Variants in LCK observed in about 807,000 individuals in gnomAD.
LCK encodes the protein tyrosine-protein kinase Lck.
Under a neutral mutation model 64.6 loss-of-function variants are expected in LCK, and 14 were observed. The observed-to-expected ratio is 0.22, with a 90% CI of 0.14 to 0.34. The LOEUF is 0.34. Among genes scored for constraint, LCK ranks in the 10% least tolerant of loss-of-function variants. The pLI is 1.00. For missense variants in LCK, 434 were observed against 668.1 expected (o/e 0.65, Z 3.86); for synonymous variants, 277 against 263.6 (o/e 1.05, Z -0.49).
chr1:32,263,434 TAA>T (rs1013309716), intron 1 of LCK, among the ~76,000 whole-genome samples: 2 of 121,346 alleles, frequency 1.6e-5, no homozygotes, highest in African/African-American at 7.5e-5. Flanking sequence ...AATAAATAAA[TAA>T]ATAAATAAAT....
chr1:32,275,223 G>C lies in LCK; in HGVS notation c.279-98G>C. 1 of 1,486,488 alleles carries C rather than the reference G, an allele frequency of 6.7e-7. No homozygotes were observed. Among genetic ancestry groups the C allele is most frequent in the Non-Finnish European group, 9.4e-7 (1 of 1,067,662 alleles). The allele number at this position is 1,486,488 out of a possible 1,614,324, so 92.1% of individuals were successfully genotyped here. On this transcript the variant is annotated intron_variant, in intron 4 of 12. Transcript: ENST00000336890. This position sits in a 1 kb window ranked among gnomAD's most constrained non-coding sequence, Gnocchi z 6.9. The stretch of plus-strand genomic sequence containing the variant: ...TTCGAGGCTCAGTATTGCTGAGCCA[G>C]GGTTGGGGGAGGCTGGCTTAAGGGG...
At chr1:32,261,535 A>G (rs1639769926) in intron 1 of LCK, among the ~76,000 whole-genome samples, 1 of 150,250 alleles carries the variant, frequency 6.7e-6, no homozygotes. Context: ...AATCCCAGCT[A>G]CTTGGGAGGC....
intron 1 of LCK, among the ~76,000 whole-genome samples, chr1:32,264,334 A>G (rs1461769162): frequency 6.6e-6 from 1 of 151,946 alleles, no homozygotes; most frequent in African/African-American, 2.4e-5. Context: ...TAGACTTTCC[A>G]GGGAGTGAAA....
chr1:32,268,840 G>GAAAAC (rs1377209375), intron 1 of LCK, among the ~76,000 whole-genome samples: 5 of 148,280 alleles, frequency 3.4e-5, no homozygotes, highest in Admixed American at 6.7e-5. Flanking sequence ...GAAAAGAAAA[G>GAAAAC]AAACAGGAGT....
rs908663197 is a variant in LCK at position 32,284,268 on chromosome 1, A to C, written c.1328-1246A>C. 3.4e-5 allele frequency among the ~76,000 whole-genome samples: 5 copies of C among 148,866 alleles called. No individual in the cohort carries two copies. In the Admixed American group the frequency reaches 3.4e-4, roughly 10 times the overall value. On this transcript the variant is annotated intron_variant, in intron 12 of 12. Transcript: ENST00000336890. Reference sequence around the variant, plus strand: ...CTTTCTGTGATATATATATATATATATATCTGTGAGATATATATATCTGTG... The same window carrying C: ...CTTTCTGTGATATATATATATATATCTATCTGTGAGATATATATATCTGTG...
intron 1 of LCK, among the ~76,000 whole-genome samples, chr1:32,273,406 G>A (rs1263649418): frequency 1.3e-5 from 2 of 150,750 alleles, no homozygotes; most frequent in Admixed American, 6.6e-5. Context: ...GTGTGTGTGA[G>A]TGTGTGTGTG....
chr1:32,275,262 G>A lies in LCK; in HGVS notation c.279-59G>A. ...TGGCTTAAGGGGTGGAGGGGTCTTT[G>A]AGGGAGGGTCTCAGGTCGACGGCTG... On this transcript the variant is annotated intron_variant, in intron 4 of 12. Transcript: ENST00000336890. The surrounding 1 kb of genome is among the most constrained non-coding windows in gnomAD (Gnocchi z 6.9). The A allele has an allele frequency of 6.4e-7, 1 of 1,572,116 alleles. No homozygotes were observed. The highest frequency in any genetic ancestry group is 2.2e-5 in the East Asian group (1 of 44,648).
intron 12 of LCK, among the ~76,000 whole-genome samples, chr1:32,282,402 T>C (rs1640488162): frequency 1.3e-5 from 2 of 152,196 alleles, no homozygotes; most frequent in Non-Finnish European, 2.9e-5. Flanking sequence ...AATTAAGGCG[T>C]GGGGGACCCA....
At position 32,275,586 on chromosome 1, in the gene LCK, T is replaced by G. The variant is rs1368225574; in HGVS notation, c.395T>G (p.Leu132Arg). 8.3e-6 allele frequency: 13 copies of G among 1,571,776 alleles called. No homozygotes were observed. The highest frequency in any genetic ancestry group is 1.1e-5 in the Non-Finnish European group (13 of 1,158,280). The change falls in exon 6 of 13, where the codon CTG becomes CGG. Residue 132 changes from leucine (L) to arginine (R), a missense_variant. This residue lies in a region of LCK where 233 missense variants were observed against 291.2 expected (regional missense o/e 0.80). Transcript: ENST00000336890. The surrounding 1 kb of genome is among the most constrained non-coding windows in gnomAD (Gnocchi z 6.9). ...CTGCACAGCTGGTTCTTCAAGAACC[T>G]GAGCCGCAAGGACGCGGAGCGGCAG... ...LEPEPWFFKN[L>R]SRKDAERQLL...
chr1:32,275,284 G>A lies in LCK; in HGVS notation c.279-37G>A. The A allele has an allele frequency of 6.2e-7, 1 of 1,605,502 alleles. No individual in the cohort carries two copies. The highest frequency in any genetic ancestry group is 8.5e-7 in the Non-Finnish European group (1 of 1,172,370). On this transcript the variant is annotated intron_variant, in intron 4 of 12. Coordinates refer to ENST00000336890, the MANE Select transcript of LCK (RefSeq NM_005356.5). The surrounding 1 kb of genome is among the most constrained non-coding windows in gnomAD (Gnocchi z 6.9). ...TTTGAGGGAGGGTCTCAGGTCGACG[G>A]CTGAGCGAGCCACACTGACCCACCT... is the stretch of plus-strand genomic sequence containing the variant.
At chr1:32,265,994 CT>C (rs1371771860) in intron 1 of LCK, among the ~76,000 whole-genome samples, 1 of 152,166 alleles carries the variant, frequency 6.6e-6, no homozygotes, top group Non-Finnish European at 1.5e-5. Context: ...CTCTCTTGCT[CT>C]GTTATCCAGG....
intron 1 of LCK, among the ~76,000 whole-genome samples, chr1:32,254,985 TTTAA>T (rs1639595225): frequency 6.6e-6 from 1 of 152,182 alleles, no homozygotes; most frequent in Admixed American, 6.5e-5. Flanking sequence ...CCCATCTCTA[TTTAA>T]TTATTTAAAA....
At chr1:32,274,119 T>G (rs910733100) in intron 1 of LCK, 3 of 1,133,400 alleles carry the variant, frequency 2.6e-6, no homozygotes, top group Middle Eastern at 2.1e-4. Context: ...GTGTGTGAAT[T>G]TACTTGTAGC....
intron 1 of LCK, among the ~76,000 whole-genome samples, chr1:32,270,205 C>A (rs1057195180): frequency 6.6e-6 from 1 of 150,838 alleles, no homozygotes; most frequent in African/African-American, 2.4e-5. Flanking sequence ...CTGCAACCTC[C>A]ACCTCTTGAG....
intron 1 of LCK, among the ~76,000 whole-genome samples, chr1:32,257,758 T>C (rs1405274737): frequency 1.3e-5 from 2 of 152,184 alleles, no homozygotes; most frequent in Non-Finnish European, 2.9e-5. Flanking sequence ...GGGAGCGGAC[T>C]CAGTAAAAGG....
At position 32,252,035 on chromosome 1, in the gene LCK, T is replaced by C. The variant is rs3935269; in HGVS notation, c.-6+664T>C. On this transcript the variant is annotated intron_variant, in intron 1 of 12. Coordinates refer to ENST00000336890, the MANE Select transcript of LCK (RefSeq NM_005356.5). Reference sequence around the variant, plus strand: ...CCTGATGGGCGTGAACTGATATGTGTGGGGGTGTCCATCATCTGGGATGGA... The same window carrying C: ...CCTGATGGGCGTGAACTGATATGTGCGGGGGTGTCCATCATCTGGGATGGA... Among the ~76,000 whole-genome samples the C allele has an allele frequency of 3.2e-3, 489 of 152,060 alleles. 6 individuals are homozygous for C. The highest frequency in any genetic ancestry group is 0.011 in the African/African-American group (474 of 41,478).
rs770430504 is a variant in LCK, at chr1:32,280,443, CTTTTT to C, written c.1327+259_1327+263del. ...TTTCTTTTTCTCTTTTTTTCTTTTT[CTTTTT>C]TTTTTTTTTTTTTTTTTTTTTTTTT... On this transcript the variant is annotated intron_variant, in intron 12 of 12. Transcript: ENST00000336890. Among the ~76,000 whole-genome samples the C allele has an allele frequency of 1.1e-4, 9 of 84,754 alleles. No individual in the cohort carries two copies. The South Asian group carries it at 1.8e-3, about 17-fold the overall frequency. The allele number at this position is 84,754 out of a possible 152,430, so 55.6% of individuals were successfully genotyped here.
In LCK at chr1:32,278,777, A is replaced by G. The variant is rs75301577; in HGVS notation, c.965-894A>G. On this transcript the variant is annotated intron_variant, in intron 9 of 12. Transcript: ENST00000336890. ...GAAGAATGGCAGTATATCTATGTCT[A>G]TGTATTTGCTGTGTGTAGGTGAGGT... Among the ~76,000 whole-genome samples the G allele has an allele frequency of 4.5e-3, 692 of 152,266 alleles. 9 individuals carry two copies. Among genetic ancestry groups the G allele is most frequent in the African/African-American group, 0.016 (653 of 41,548 alleles).
Position 32,280,947 on chromosome 1 carries a change from A to AAATAAGAGAC in LCK, c.1327+738_1327+747dup, listed in dbSNP as rs555039542. Among the ~76,000 whole-genome samples the AAATAAGAGAC allele has an allele frequency of 1.6e-3, 243 of 152,330 alleles. 2 individuals carry two copies. The highest frequency in any genetic ancestry group is 2.7e-3 in the Non-Finnish European group (181 of 68,032). On this transcript the variant is annotated intron_variant, in intron 12 of 12. Transcript: ENST00000336890. ...CTAAGCCTCAGTTTCCTGATACTAA[A>AAATAAGAGAC]AATAAGAGACTAGGCCAGGTACAGT...
Sources: allele counts gnomAD v4.1 joint callset (sites outside exome capture counted in the v4.1 genomes callset), GRCh38; gene constraint gnomAD v4.1.1; regional missense constraint gnomAD v4.1.1; non-coding constraint Gnocchi (gnomAD v3.1); transcripts MANE v1.5; gene names NCBI Gene and HGNC (gene_info 2026-07-23, HGNC 2026-07-21).